The following CNTRL variants were observed in gnomAD, a reference collection of about 807,000 sequenced individuals.
The protein encoded by CNTRL is centriolin.
Under a neutral mutation model 303.7 loss-of-function variants are expected in CNTRL, and 233 were observed. That is an observed-to-expected ratio of 0.77 (90% CI 0.69 to 0.86). The LOEUF is 0.86. CNTRL is among the 40% of genes least tolerant of loss of function. The pLI is 0.00. For missense variants in CNTRL, 2,524 were observed against 2,650.6 expected (o/e 0.95, Z 1.05); for synonymous variants, 900 against 922.2 (o/e 0.98, Z 0.44).
intron 9 of CNTRL, 31 bp from the exon 10 acceptor site, chr9:121,113,470 AT>A: frequency 7.8e-7 from 1 of 1,276,086 alleles, no homozygotes. Flanking sequence ...GAGATCACTT[AT>A]TAAACCATAA....
intron 9 of CNTRL, 63 bp downstream of exon 9, chr9:121,112,641 G>A: frequency 1.3e-6 from 2 of 1,529,024 alleles, no homozygotes; most frequent in Non-Finnish European, 1.8e-6. Context: ...AATGGGGGAG[G>A]GCAGGTGGTG....
chr9:121,164,486 T>C (rs2053003450), intron 34 of CNTRL, among the ~76,000 whole-genome samples: 1 of 152,250 alleles, frequency 6.6e-6, no homozygotes, highest in African/African-American at 2.4e-5. Context: ...GAATGAAGTA[T>C]TGATATACAC....
chr9:121,115,159 G>A lies in CNTRL; in HGVS notation c.1414G>A (p.Glu472Lys). ...KAEQQILRAT[E>K]EFKQLEEAIQ... ...AGAACAACAAATTTTGAGAGCTACT[G>A]AAGAATTTAAACAACTGGAAGAAGC... The change falls in exon 11 of 44, where the codon GAA becomes AAA. Residue 472 changes from glutamate to lysine, a missense_variant. Physicochemically the swap from Glu to Lys is moderately conservative, Grantham distance 56 (BLOSUM62 1). Coordinates refer to ENST00000373855, the MANE Select transcript of CNTRL (RefSeq NM_007018.6). 6.2e-7 allele frequency: 1 copy of A among 1,609,136 alleles called. No homozygotes were observed.
intron 23 of CNTRL, among the ~76,000 whole-genome samples, chr9:121,146,555 G>T (rs887796544): frequency 1.3e-5 from 2 of 152,138 alleles, no homozygotes; most frequent in Admixed American, 6.5e-5. Context: ...ATTGTGCAGA[G>T]CCTCCGACAG....
rs763541616 is a variant in CNTRL, at chr9:121,138,575, G to A, written c.2233G>A (p.Glu745Lys). Residue 745 changes from glutamate (E) to lysine (K), a missense_variant, in exon 16 of 44, where the codon GAG becomes AAG. Coordinates refer to ENST00000373855, the MANE Select transcript of CNTRL (RefSeq NM_007018.6). The stretch of plus-strand genomic sequence containing the variant: ...ACAATCAGCCCTTCAAGCAGAACTT[G>A]AGAAGGAAAGGCAAGCCCTCAAGAA... ...LEQSALQAELEKERQALKNAL... is the reference protein window; with the variant it reads ...LEQSALQAELKKERQALKNAL... 1.1e-5 allele frequency: 17 copies of A among 1,613,956 alleles called. No individual in the cohort carries two copies. Among genetic ancestry groups the A allele is most frequent in the Non-Finnish European group, 1.4e-5 (16 of 1,179,860 alleles).
At chr9:121,081,550 C>G (rs1337704244) in intron 2 of CNTRL, among the ~76,000 whole-genome samples, 1 of 152,238 alleles carries the variant, frequency 6.6e-6, no homozygotes, top group Admixed American at 6.5e-5. Context: ...GGGACTCCCA[C>G]TGCCCCCTCC....
In CNTRL at chr9:121,158,076, C is replaced by T. The variant is rs145195898; in HGVS notation, c.4731C>T (p.Ala1577=). 4.3e-6 allele frequency: 7 copies of T among 1,613,746 alleles called. No homozygotes were observed. In the African/African-American group the frequency reaches 9.4e-5, roughly 22 times the overall value. Residue 1577 remains alanine (A), a synonymous_variant, in exon 30 of 44, where the codon GCC becomes GCT. Transcript: ENST00000373855. ...VLKESEVLLQ[A]KRAELEKLKS... is the part of the protein sequence containing the mutation. ...AAGAATCTGAGGTGCTTCTTCAGGC[C>T]AAAAGAGCCGAGCTGGAAAAGCTGA...
intron 14 of CNTRL, among the ~76,000 whole-genome samples, chr9:121,130,432 T>G (rs1222958296): frequency 6.6e-6 from 1 of 152,246 alleles, no homozygotes; most frequent in African/African-American, 2.4e-5. Context: ...GTGTTTATAG[T>G]ATTCTCTGAT....
chr9:121,100,844 C>G (rs532970078), intron 7 of CNTRL, among the ~76,000 whole-genome samples: 8 of 152,298 alleles, frequency 5.3e-5, no homozygotes, highest in Admixed American at 3.9e-4. Context: ...GGGATCAATT[C>G]AACAGGAAGA....
chr9:121,087,651 A>G (rs537812402), intron 2 of CNTRL, among the ~76,000 whole-genome samples: 1 of 152,310 alleles, frequency 6.6e-6, no homozygotes, highest in Non-Finnish European at 1.5e-5. Context: ...AGATCGCACC[A>G]TTGCACTCCA....
In CNTRL at chr9:121,093,298, T is replaced by C. The variant is rs560145797; in HGVS notation, c.349-1590T>C. On this transcript the variant is annotated intron_variant, in intron 4 of 43. Transcript: ENST00000373855. ...TGATGTGGTAGAAGATATATTGCCT[T>C]ACCAATACAGGTTGAGCATCCCAAA... is the stretch of plus-strand genomic sequence containing the variant. Among the ~76,000 whole-genome samples the C allele has an allele frequency of 2.6e-5, 4 of 152,260 alleles. No individual in the cohort carries two copies. The East Asian group carries it at 7.7e-4, about 29-fold the overall frequency.
intron 23 of CNTRL, among the ~76,000 whole-genome samples, chr9:121,147,354 A>G (rs2051931832): frequency 6.6e-6 from 1 of 151,834 alleles, no homozygotes; most frequent in Non-Finnish European, 1.5e-5. Flanking sequence ...ACACTTAATT[A>G]TGTAGGCCAT....
intron 39 of CNTRL, among the ~76,000 whole-genome samples, chr9:121,170,945 G>C (rs1190582460): frequency 6.6e-6 from 1 of 152,196 alleles, no homozygotes; most frequent in Non-Finnish European, 1.5e-5. Flanking sequence ...AGCAGCAATG[G>C]AACTGTCAAG....
At chr9:121,159,466 T>C (rs753653596) in intron 31 of CNTRL, among the ~76,000 whole-genome samples, 5 of 152,112 alleles carry the variant, frequency 3.3e-5, no homozygotes, top group Non-Finnish European at 7.4e-5. Context: ...ACCCCATCTC[T>C]ACTAAAAATA....
intron 38 of CNTRL, 58 bp downstream of exon 38, chr9:121,168,379 T>C (rs2131854931): frequency 6.6e-7 from 1 of 1,507,142 alleles, no homozygotes. Context: ...CTGCTGGTTG[T>C]CTTGCAAAAG....
chr9:121,092,177 A>G (rs1231850059), intron 4 of CNTRL, among the ~76,000 whole-genome samples: 1 of 147,076 alleles, frequency 6.8e-6, no homozygotes, highest in African/African-American at 2.5e-5. Context: ...TACATATTTT[A>G]TAGATTTTAT....
At chr9:121,141,740 A>G (rs2051527852) in intron 18 of CNTRL, 152 bp downstream of exon 18, 6 of 735,686 alleles carry the variant, frequency 8.2e-6, no homozygotes, top group East Asian at 2.7e-5. Flanking sequence ...CTAAAACTCA[A>G]CCCTGAATGT....
chr9:121,172,331 C>T (rs1301864191), intron 40 of CNTRL, among the ~76,000 whole-genome samples: 1 of 152,154 alleles, frequency 6.6e-6, no homozygotes, highest in African/African-American at 2.4e-5. Flanking sequence ...GCATCAAATG[C>T]AGTTGGTAAC....
chr9:121,149,357 G>A (rs1383105478), intron 24 of CNTRL, among the ~76,000 whole-genome samples: 1 of 151,902 alleles, frequency 6.6e-6, no homozygotes, highest in East Asian at 1.9e-4. Context: ...TGTAAAATGT[G>A]AATACTACCT....
Sources: gnomAD v4.1 joint callset for allele counts (sites outside exome capture counted in the v4.1 genomes callset) on GRCh38, gnomAD v4.1.1 for gene constraint, MANE v1.5 for transcripts, NCBI Gene and HGNC (gene_info 2026-07-23, HGNC 2026-07-21) for gene names.